Variants in SLC35F2 observed in about 807,000 individuals in gnomAD.
SLC35F2 encodes the protein solute carrier family 35 member F2.
Under a neutral mutation model 38.1 loss-of-function variants are expected in SLC35F2, and 25 were observed. The observed-to-expected ratio is 0.66, with a 90% CI of 0.48 to 0.92. The LOEUF is 0.92. SLC35F2 is among the 40% of genes least tolerant of loss of function. The pLI is 0.00. For missense variants in SLC35F2, 409 were observed against 452.9 expected, an observed-to-expected ratio of 0.90 and a Z score of 0.88; for synonymous variants, 173 against 181.7, an observed-to-expected ratio of 0.95 and a Z score of 0.38.
intron 1 of SLC35F2, among the ~76,000 whole-genome samples, chr11:107,831,750 G>C (rs1236326025): frequency 6.6e-6 from 1 of 152,204 alleles, no homozygotes; most frequent in Admixed American, 6.5e-5. Context: ...GTAAGTGTAA[G>C]TTTGAACAGC....
At chr11:107,792,905 T>TTTTCTTTC (rs148577551) in intron 7 of SLC35F2, 105 bp from the exon 8 acceptor site, 3 of 1,336,678 alleles carry the variant, frequency 2.2e-6, no homozygotes, top group Non-Finnish European at 2.9e-6. Flanking sequence ...AATCTTTTTA[T>TTTTCTTTC]TTTCTTTCTT....
At chr11:107,817,283 GGAAA>G (rs1859589408) in intron 1 of SLC35F2, among the ~76,000 whole-genome samples, 1 of 151,022 alleles carries the variant, frequency 6.6e-6, no homozygotes, top group Admixed American at 6.6e-5. Context: ...AAGGAAGAAA[GGAAA>G]GAAAGAAAAG....
At chr11:107,836,383 T>C (rs1291665064) in intron 1 of SLC35F2, among the ~76,000 whole-genome samples, 2 of 151,830 alleles carry the variant, frequency 1.3e-5, no homozygotes, top group African/African-American at 4.8e-5. Context: ...TACCACTAAA[T>C]GTAGGTGGAA....
intron 1 of SLC35F2, among the ~76,000 whole-genome samples, chr11:107,822,241 A>T (rs1859683614): frequency 6.6e-6 from 1 of 152,224 alleles, no homozygotes; most frequent in Non-Finnish European, 1.5e-5. Flanking sequence ...CTCAAAAAAA[A>T]AATTTAAGGA....
At position 107,832,538 on chromosome 11, in the gene SLC35F2, C is replaced by T. The variant is rs140485083; in HGVS notation, c.111-16573G>A. On this transcript the variant is annotated intron_variant, in intron 1 of 7. Coordinates refer to ENST00000525815, the MANE Select transcript of SLC35F2 (RefSeq NM_017515.5). ...CTATTTACAGCCAAGTGTGGTGGCT[C>T]ATGCCTGTAATCCCAGCACTTTGAG... Among the ~76,000 whole-genome samples, 4 of 152,290 alleles carry T rather than the reference C, an allele frequency of 2.6e-5. No homozygotes were observed. In the East Asian group the frequency reaches 7.7e-4, roughly 29 times the overall value.
chr11:107,804,260 T>C (rs1859361486), intron 6 of SLC35F2, among the ~76,000 whole-genome samples: 1 of 152,168 alleles, frequency 6.6e-6, no homozygotes, highest in African/African-American at 2.4e-5. Flanking sequence ...TTTCTGACTG[T>C]CCCATCACCA....
intron 1 of SLC35F2, among the ~76,000 whole-genome samples, chr11:107,817,821 A>T (rs922923098): frequency 6.6e-6 from 1 of 151,598 alleles, no homozygotes; most frequent in Non-Finnish European, 1.5e-5. Context: ...CAACTTTCGG[A>T]GGCTGAGGCA....
chr11:107,811,922 G>A, intron 2 of SLC35F2, 128 bp from the exon 3 acceptor site: 1 of 864,062 alleles, frequency 1.2e-6, no homozygotes, highest in East Asian at 2.7e-5. Context: ...TTCTTTTTGA[G>A]ATAGGGTCTC....
chr11:107,833,076 T>C (rs761266400), intron 1 of SLC35F2, among the ~76,000 whole-genome samples: 1 of 152,232 alleles, frequency 6.6e-6, no homozygotes, highest in Non-Finnish European at 1.5e-5. Context: ...TATTTACTTA[T>C]TACATTCATG....
intron 3 of SLC35F2, among the ~76,000 whole-genome samples, chr11:107,808,298 G>C (rs909613782): frequency 9.2e-5 from 14 of 152,264 alleles, no homozygotes; most frequent in African/African-American, 3.1e-4. Context: ...CTGGAAGGCA[G>C]AGGGATTAAG....
intron 1 of SLC35F2, among the ~76,000 whole-genome samples, chr11:107,825,630 A>G (rs1441141290): frequency 1.3e-5 from 2 of 151,694 alleles, no homozygotes; most frequent in African/African-American, 2.4e-5. Flanking sequence ...CGGCCCCCCA[A>G]AGTTGTTGGG....
At chr11:107,819,412 A>G (rs1209300740) in intron 1 of SLC35F2, among the ~76,000 whole-genome samples, 28 of 152,288 alleles carry the variant, frequency 1.8e-4, no homozygotes. Context: ...CACCAAGATG[A>G]GCAAAACGTT....
In SLC35F2 at chr11:107,811,808, A is replaced by T. The variant is rs749989082; in HGVS notation, c.287-14T>A. 11 of 1,612,268 alleles carry T rather than the reference A, an allele frequency of 6.8e-6. No homozygotes were observed. The South Asian group carries it at 1.2e-4, about 18-fold the overall frequency. On this transcript the variant is annotated splice_polypyrimidine_tract_variant and intron_variant, in intron 2 of 7. Coordinates refer to ENST00000525815, the MANE Select transcript of SLC35F2 (RefSeq NM_017515.5). ...GGTTATCACTGCCTGGTTGAAAGAA[A>T]TATGGGTTAGTACATGTTACTTGCA...
intron 2 of SLC35F2, among the ~76,000 whole-genome samples, chr11:107,812,120 G>T (rs550837022): frequency 2.6e-5 from 4 of 152,060 alleles, no homozygotes; most frequent in African/African-American, 9.7e-5. Context: ...TGCCCAGGCT[G>T]GTCTTGAACT....
chr11:107,843,905 ATATG>A lies in SLC35F2; in HGVS notation c.110+14749_110+14752del, dbSNP rs1183643170. ...TATATATATATATATATATATATAT[ATATG>A]TATATTAATTAAGCCATTCATGAGC... On this transcript the variant is annotated intron_variant, in intron 1 of 7. Coordinates refer to ENST00000525815, the MANE Select transcript of SLC35F2 (RefSeq NM_017515.5). Among the ~76,000 whole-genome samples, 80 of 123,748 alleles carry A rather than the reference ATATG, an allele frequency of 6.5e-4. 1 individual carries two copies. Among genetic ancestry groups the A allele is most frequent in the African/African-American group, 2.2e-3 (75 of 34,438 alleles). 81.2% of individuals were successfully genotyped at this position (123,748 alleles called of 152,430 possible). A position where few individuals can be genotyped will look rare whatever the true frequency, so the allele number is the denominator to read the frequency against.
chr11:107,812,412 C>T (rs1859496520), intron 2 of SLC35F2, among the ~76,000 whole-genome samples: 1 of 152,022 alleles, frequency 6.6e-6, no homozygotes, highest in Non-Finnish European at 1.5e-5. Flanking sequence ...TGGTGTGCAC[C>T]TGTAATCCCA....
At chr11:107,834,150 G>A (rs1859893618) in intron 1 of SLC35F2, among the ~76,000 whole-genome samples, 1 of 152,194 alleles carries the variant, frequency 6.6e-6, no homozygotes, top group Admixed American at 6.5e-5. Flanking sequence ...AGGGGATTGG[G>A]TAAGGAGCCC....
chr11:107,803,992 A>AT (rs71047624), intron 6 of SLC35F2, among the ~76,000 whole-genome samples: 9,278 of 135,728 alleles, frequency 0.068, 639 homozygotes, highest in East Asian at 0.37. Context: ...TGCCCGGATA[A>AT]TTTTTTTTTT....
chr11:107,821,392 C>T (rs1859669732), intron 1 of SLC35F2: 1 of 984,438 alleles, frequency 1.0e-6, no homozygotes, highest in Non-Finnish European at 1.2e-6. Flanking sequence ...ATGCACTTCT[C>T]TTGGCTCCAA....
Sources: gnomAD v4.1 joint callset for allele counts (sites outside exome capture counted in the v4.1 genomes callset) on GRCh38, gnomAD v4.1.1 for gene constraint, MANE v1.5 for transcripts, NCBI Gene and HGNC (gene_info 2026-07-23, HGNC 2026-07-21) for gene names.